The following EFNA5 variants were observed in gnomAD, a reference collection of about 807,000 sequenced individuals.
EFNA5 encodes the protein ephrin-A5.
In EFNA5, 5 loss-of-function variants were observed where a neutral mutation model predicts 22.9. That is an observed-to-expected ratio of 0.22 (90% CI 0.11 to 0.46). EFNA5 has a LOEUF of 0.46. Ranked by LOEUF, EFNA5 falls within the 20% of genes least tolerant of loss-of-function variation. The pLI is 0.99. For missense variants in EFNA5, 237 were observed against 293.3 expected, an observed-to-expected ratio of 0.81 and a Z score of 1.40; for synonymous variants, 113 against 112.2, an observed-to-expected ratio of 1.01 and a Z score of -0.04.
At chr5:107,535,705 T>C (rs1256734264) in intron 1 of EFNA5, among the ~76,000 whole-genome samples, 3 of 152,298 alleles carry the variant, frequency 2.0e-5, no homozygotes, top group South Asian at 4.1e-4. Context: ...AATAATGTAG[T>C]GTCTGGTTCA....
chr5:107,615,777 A>C (rs550200435), intron 1 of EFNA5, among the ~76,000 whole-genome samples: 7 of 152,294 alleles, frequency 4.6e-5, no homozygotes, highest in African/African-American at 1.4e-4. Flanking sequence ...GATATAATCA[A>C]CACAAAGGGA....
At chr5:107,568,069 AT>A (rs980152568) in intron 1 of EFNA5, among the ~76,000 whole-genome samples, 2 of 151,440 alleles carry the variant, frequency 1.3e-5, no homozygotes, top group East Asian at 2.0e-4. Context: ...GCTCGTTTTA[AT>A]TTTTTTTGTA....
chr5:107,615,846 G>A (rs1749901792), intron 1 of EFNA5, among the ~76,000 whole-genome samples: 1 of 152,132 alleles, frequency 6.6e-6, no homozygotes, highest in South Asian at 2.1e-4. Flanking sequence ...ATTTTACACT[G>A]AATGAATGGG....
intron 1 of EFNA5, among the ~76,000 whole-genome samples, chr5:107,491,478 CTTT>C (rs2112414017): frequency 6.6e-6 from 1 of 152,056 alleles, no homozygotes; most frequent in South Asian, 2.1e-4. Context: ...TGCCTGGCTA[CTTT>C]TTGTATTTTT....
chr5:107,639,632 G>C (rs961519361), intron 1 of EFNA5, among the ~76,000 whole-genome samples: 4 of 152,150 alleles, frequency 2.6e-5, no homozygotes, highest in Admixed American at 2.0e-4. Context: ...GCCCAGCACA[G>C]GGCTCAACTC....
chr5:107,492,485 G>A (rs1746836158), intron 1 of EFNA5, among the ~76,000 whole-genome samples: 2 of 152,124 alleles, frequency 1.3e-5, no homozygotes, highest in Non-Finnish European at 2.9e-5. Context: ...AGGTATGCTT[G>A]ACAAAAGTTC....
chr5:107,409,576 C>T (rs1336979321), intron 2 of EFNA5, among the ~76,000 whole-genome samples: 1 of 152,208 alleles, frequency 6.6e-6, no homozygotes, highest in Non-Finnish European at 1.5e-5. Context: ...GCCTGTCCTT[C>T]TATAGCCCCC....
chr5:107,559,677 T>C (rs1174031771), intron 1 of EFNA5, among the ~76,000 whole-genome samples: 1 of 152,228 alleles, frequency 6.6e-6, no homozygotes, highest in Non-Finnish European at 1.5e-5. Context: ...GTCTCAAATA[T>C]AACTGTTTGA....
At position 107,434,133 on chromosome 5, in the gene EFNA5, T is replaced by A. The variant is rs1258630869; in HGVS notation, c.126-6624A>T. 2.6e-5 allele frequency among the ~76,000 whole-genome samples: 4 copies of A among 152,206 alleles called. No individual in the cohort carries two copies. The East Asian group carries it at 7.7e-4, about 29-fold the overall frequency. ...TAAGAGCTTTGTCCTCCTAAGTATT[T>A]CATTTTCAAACTTGGGTGGCTGAAA... On this transcript the variant is annotated intron_variant, in intron 1 of 4. Coordinates refer to ENST00000333274, the MANE Select transcript of EFNA5 (RefSeq NM_001962.3).
intron 1 of EFNA5, among the ~76,000 whole-genome samples, chr5:107,455,183 G>A (rs1312792911): frequency 6.6e-6 from 1 of 152,152 alleles, no homozygotes; most frequent in Non-Finnish European, 1.5e-5. Flanking sequence ...GTGGTGTCAT[G>A]GCAGGCAAAT....
rs1468721996 is a variant in EFNA5, at chr5:107,557,071, G to T, written c.125+113418C>A. Among the ~76,000 whole-genome samples the T allele has an allele frequency of 3.1e-4, 47 of 152,080 alleles. 1 individual carries two copies. The highest frequency in any genetic ancestry group is 2.9e-5 in the Non-Finnish European group (2 of 68,020). ...TTTGGGCCCAAACCTTAAGGCTCCT[G>T]TTCCAAATCCCTCTCCTAAAACCAC... is the stretch of plus-strand genomic sequence containing the variant. On this transcript the variant is annotated intron_variant, in intron 1 of 4. Coordinates refer to ENST00000333274, the MANE Select transcript of EFNA5 (RefSeq NM_001962.3).
intron 1 of EFNA5, 46 bp downstream of exon 1, chr5:107,670,443 C>A (rs1257715401): frequency 1.3e-6 from 2 of 1,526,596 alleles, no homozygotes; most frequent in Non-Finnish European, 8.8e-7. Context: ...TTCCGCAGGG[C>A]CCCGAGGCCC....
At chr5:107,626,587 C>T (rs1290565694) in intron 1 of EFNA5, among the ~76,000 whole-genome samples, 1 of 152,126 alleles carries the variant, frequency 6.6e-6, no homozygotes, top group East Asian at 1.9e-4. Flanking sequence ...GCTATATTTT[C>T]TGTAAATTGC....
intron 1 of EFNA5, among the ~76,000 whole-genome samples, chr5:107,553,918 A>C (rs147890222): frequency 1.3e-5 from 2 of 152,332 alleles, no homozygotes; most frequent in African/African-American, 4.8e-5. Context: ...CCCCACACCT[A>C]GTAACTTCTT....
intron 1 of EFNA5, among the ~76,000 whole-genome samples, chr5:107,607,098 G>T (rs912195934): frequency 6.6e-6 from 1 of 152,180 alleles, no homozygotes; most frequent in African/African-American, 2.4e-5. Context: ...TTAGCCTTGA[G>T]TTTCAAAGTT....
intron 1 of EFNA5, among the ~76,000 whole-genome samples, chr5:107,516,211 T>TGTGTGTGTGTG (rs10674517): frequency 1.7e-4 from 25 of 150,676 alleles, no homozygotes; most frequent in East Asian, 3.9e-4. Context: ...TGTGTGTGTG[T>TGTGTGTGTGTG]TAATTTTTGG....
chr5:107,513,029 C>A (rs375101457), intron 1 of EFNA5, among the ~76,000 whole-genome samples: 5 of 152,034 alleles, frequency 3.3e-5, no homozygotes, highest in African/African-American at 1.2e-4. Context: ...ACTTACGTAC[C>A]CAGTGGCCAG....
At chr5:107,657,962 C>A (rs189510039) in intron 1 of EFNA5, among the ~76,000 whole-genome samples, 1 of 152,114 alleles carries the variant, frequency 6.6e-6, no homozygotes, top group Admixed American at 6.6e-5. Context: ...ATAATACATA[C>A]GCTGTGAGGA....
intron 1 of EFNA5, among the ~76,000 whole-genome samples, chr5:107,636,987 C>T (rs1472722921): frequency 6.6e-6 from 1 of 152,204 alleles, no homozygotes; most frequent in African/African-American, 2.4e-5. Context: ...GAATAACCTA[C>T]TATAAATCTT....
Sources: allele counts gnomAD v4.1 joint callset (sites outside exome capture counted in the v4.1 genomes callset), GRCh38; gene constraint gnomAD v4.1.1; transcripts MANE v1.5; gene names NCBI Gene and HGNC (gene_info 2026-07-23, HGNC 2026-07-21).